The following TENM4 variants were observed in gnomAD, a reference collection of about 807,000 sequenced individuals.
The protein encoded by TENM4 is teneurin transmembrane protein 4.
Under a neutral mutation model 243.3 loss-of-function variants are expected in TENM4, and 82 were observed. The ratio of observed to expected loss-of-function variants is 0.34; its 90% CI spans 0.28 to 0.40. The LOEUF is 0.40. TENM4 is among the 10% of genes least tolerant of loss of function. The pLI is 1.00. For missense variants in TENM4, 3,138 were observed against 3,673.3 expected (o/e 0.85, Z 3.77); for synonymous variants, 1,412 against 1,456.3 (o/e 0.97, Z 0.69).
At chr11:79,053,002 A>C (rs1423758238) in intron 6 of TENM4, among the ~76,000 whole-genome samples, 1 of 152,146 alleles carries the variant, frequency 6.6e-6, no homozygotes, top group East Asian at 1.9e-4. Flanking sequence ...TCCTGAGTTG[A>C]CTTCTCCTAA....
intron 1 of TENM4, among the ~76,000 whole-genome samples, chr11:79,364,078 G>A (rs1247574737): frequency 3.3e-5 from 5 of 152,166 alleles, no homozygotes; most frequent in African/African-American, 4.8e-5. Context: ...TTTGCTGATC[G>A]AGATGGAAAA....
Position 79,440,998 on chromosome 11 carries a change from A to ACACACG in TENM4, c.-816_-811dup, listed in dbSNP as rs1034645029. 1.0e-3 allele frequency: 159 copies of ACACACG among 153,130 alleles called. No individual in the cohort carries two copies. The highest frequency in any genetic ancestry group is 3.5e-3 in the African/African-American group (145 of 41,368). 9.5% of individuals were successfully genotyped at this position (153,130 alleles called of 1,614,324 possible). A position where few individuals can be genotyped will look rare whatever the true frequency, so the allele number is the denominator to read the frequency against. On this transcript the variant is annotated 5_prime_UTR_variant, in exon 1 of 34. Coordinates refer to ENST00000278550, the MANE Select transcript of TENM4 (RefSeq NM_001098816.3). This position sits in a 1 kb window ranked among gnomAD's most constrained non-coding sequence, Gnocchi z 4.7. The stretch of plus-strand genomic sequence containing the variant: ...GGGCGAGCGAGAGAGAGACACACAC[A>ACACACG]CACACGCACACGCACACGCAGGTTA...
intron 9 of TENM4, among the ~76,000 whole-genome samples, chr11:78,872,832 T>A (rs570277715): frequency 3.0e-4 from 46 of 152,312 alleles, no homozygotes; most frequent in African/African-American, 1.0e-3. Context: ...ATGCAACTGA[T>A]TTTTTTCATG....
In TENM4 at chr11:78,863,035, G is replaced by A. The variant is rs754579132; in HGVS notation, c.1182C>T (p.Thr394=). Residue 394 remains threonine, a synonymous_variant, in exon 10 of 34, where the codon ACC becomes ACT. Transcript: ENST00000278550. The stretch of plus-strand genomic sequence containing the variant: ...CCCCTGAGGGGTATAGGGAGACGTC[G>A]GTTGGCACAGGCCAACTGCTGGCTG... ...EDTASSWPVP[T]DVSLYPSGGT... is the part of the protein sequence containing the mutation. The A allele has an allele frequency of 2.3e-5, 36 of 1,536,342 alleles. No individual in the cohort carries two copies. Among genetic ancestry groups the A allele is most frequent in the South Asian group, 8.5e-5 (7 of 82,696 alleles).
intron 20 of TENM4, among the ~76,000 whole-genome samples, chr11:78,737,466 C>G (rs1203819060): frequency 6.6e-6 from 1 of 152,222 alleles, no homozygotes; most frequent in African/African-American, 2.4e-5. Context: ...TCATTATCAC[C>G]TCGGCCGGGA....
At chr11:79,055,127 CA>C (rs34101530) in intron 6 of TENM4, among the ~76,000 whole-genome samples, 1,946 of 134,600 alleles carry the variant, frequency 0.014, 47 homozygotes, top group African/African-American at 0.052. Flanking sequence ...AACTCCATCT[CA>C]AAAAAAAAAA....
At chr11:78,701,383 G>C (rs1200868477) in intron 28 of TENM4, 143 bp downstream of exon 28, 3 of 1,168,068 alleles carry the variant, frequency 2.6e-6, no homozygotes, top group African/African-American at 1.6e-5. Flanking sequence ...AAATCATGTG[G>C]AATATGAACA....
intron 27 of TENM4, among the ~76,000 whole-genome samples, chr11:78,705,289 G>A (rs1859217904): frequency 1.3e-5 from 2 of 152,172 alleles, no homozygotes. Context: ...TCAGTGGAGG[G>A]AGAGAGGAGA....
At chr11:79,439,545 G>A (rs1859351544) in intron 1 of TENM4, among the ~76,000 whole-genome samples, 1 of 152,152 alleles carries the variant, frequency 6.6e-6, no homozygotes, top group African/African-American at 2.4e-5. Context: ...AGGCAGAGAA[G>A]GGGCGGGCAG....
At chr11:79,228,426 G>A (rs779780759) in intron 2 of TENM4, among the ~76,000 whole-genome samples, 2 of 152,252 alleles carry the variant, frequency 1.3e-5, no homozygotes, top group African/African-American at 2.4e-5. Context: ...ATGAACTGCC[G>A]CATGCCTCAC....
At chr11:78,967,475 G>A (rs1857460723) in intron 6 of TENM4, among the ~76,000 whole-genome samples, 2 of 152,292 alleles carry the variant, frequency 1.3e-5, no homozygotes, top group South Asian at 2.1e-4. Flanking sequence ...AAGCAGGAAA[G>A]TGACAAGACC....
chr11:79,267,589 T>A (rs1219805932), intron 2 of TENM4, among the ~76,000 whole-genome samples: 1 of 152,196 alleles, frequency 6.6e-6, no homozygotes, highest in Admixed American at 6.5e-5. Flanking sequence ...ACATCTCTGG[T>A]CCTTCATTTC....
chr11:79,333,247 T>TATCC (rs34059534), intron 1 of TENM4, among the ~76,000 whole-genome samples: 64,790 of 151,438 alleles, frequency 0.43, 14,167 homozygotes, highest in South Asian at 0.61. Flanking sequence ...TCCATCCATC[T>TATCC]ATCCATCCAT....
intron 1 of TENM4, among the ~76,000 whole-genome samples, chr11:79,423,028 G>T (rs574009087): frequency 6.6e-6 from 1 of 152,280 alleles, no homozygotes; most frequent in South Asian, 2.1e-4. Context: ...AAGGATGCCG[G>T]ACCCAATCCC....
intron 5 of TENM4, chr11:79,068,310 C>A (rs758939923): frequency 3.9e-5 from 6 of 152,374 alleles, no homozygotes; most frequent in South Asian, 2.1e-4. Context: ...GGTAAAGTAG[C>A]TGAGAATACT....
chr11:79,396,037 T>C (rs1485184826), intron 1 of TENM4, among the ~76,000 whole-genome samples: 1 of 152,198 alleles, frequency 6.6e-6, no homozygotes, highest in African/African-American at 2.4e-5. Flanking sequence ...CATCAAGTCC[T>C]CATGCATTTA....
chr11:78,847,295 T>C (rs1467574627), intron 12 of TENM4, among the ~76,000 whole-genome samples: 1 of 152,246 alleles, frequency 6.6e-6, no homozygotes, highest in Non-Finnish European at 1.5e-5. Context: ...TGGGCTACTT[T>C]TTCTTCTTTC....
intron 12 of TENM4, among the ~76,000 whole-genome samples, chr11:78,849,996 G>A (rs1292396109): frequency 2.0e-5 from 3 of 152,140 alleles, no homozygotes; most frequent in Non-Finnish European, 2.9e-5. Flanking sequence ...CACCTGCAGG[G>A]AAAGCCTGTT....
chr11:78,864,687 T>C (rs554191615), intron 9 of TENM4, among the ~76,000 whole-genome samples: 1 of 152,314 alleles, frequency 6.6e-6, no homozygotes, highest in East Asian at 1.9e-4. Context: ...TCCCCTCTTC[T>C]GATGCCCATC....
Sources: allele counts gnomAD v4.1 joint callset (sites outside exome capture counted in the v4.1 genomes callset), GRCh38; gene constraint gnomAD v4.1.1; non-coding constraint Gnocchi (gnomAD v3.1); transcripts MANE v1.5; gene names NCBI Gene and HGNC (gene_info 2026-07-23, HGNC 2026-07-21).